Variants in DMXL1 observed in about 807,000 individuals in gnomAD.
The protein encoded by DMXL1 is Dmx like 1.
In DMXL1, 99 loss-of-function variants were observed where a neutral mutation model predicts 319.2. That is an observed-to-expected ratio of 0.31 (90% CI 0.26 to 0.37). DMXL1 has a LOEUF of 0.37. Among genes scored for constraint, DMXL1 ranks in the 10% least tolerant of loss-of-function variants. The probability of loss-of-function intolerance (pLI) is 1.00; values close to 1 mark genes in which losing one functional copy is unlikely to be tolerated. For missense variants in DMXL1, 3,745 were observed against 3,595.6 expected, an observed-to-expected ratio of 1.04 and a Z score of -1.06; for synonymous variants, 1,385 against 1,235.2, an observed-to-expected ratio of 1.12 and a Z score of -2.54.
chr5:119,194,500 A>G (rs1264466037), intron 30 of DMXL1, among the ~76,000 whole-genome samples: 1 of 151,234 alleles, frequency 6.6e-6, no homozygotes, highest in Non-Finnish European at 1.5e-5. Flanking sequence ...TCTAGTCTCT[A>G]TTGATATGTT....
rs766445530 is a variant in DMXL1, at chr5:119,177,992, C to A, written c.6887-4C>A. On this transcript the variant is annotated splice_polypyrimidine_tract_variant and splice_region_variant and intron_variant, in intron 27 of 43. Transcript: ENST00000539542. ...GTGACAGCTATGTTTGTTTGTCGTT[C>A]TAGGAATAACTTGTCTAATTCGACT... 1 of 1,587,142 alleles carries A rather than the reference C, an allele frequency of 6.3e-7. No homozygotes were observed. Among genetic ancestry groups the A allele is most frequent in the Admixed American group, 1.7e-5 (1 of 58,462 alleles).
Position 119,247,026 on chromosome 5 carries a change from A to C in DMXL1, c.8954A>C (p.His2985Pro), listed in dbSNP as rs1217891346. 6.2e-7 allele frequency: 1 copy of C among 1,613,604 alleles called. No homozygotes were observed. Among genetic ancestry groups the C allele is most frequent in the Non-Finnish European group, 8.5e-7 (1 of 1,179,718 alleles). Reference protein sequence around the residue: ...IWSLSTFGLLHTFVSEHARQS... With the variant: ...IWSLSTFGLLPTFVSEHARQS... ...AGTCTCTCTACCTTTGGTCTTCTCC[A>C]TACTTTTGTCAGTGAACATGCTCGG... Residue 2985 changes from histidine to proline, a missense_variant, in exon 44 of 44, where the codon CAT (histidine) becomes CCT (proline). By Grantham distance (77) the His-to-Pro change is moderately conservative. Coordinates refer to ENST00000539542, the MANE Select transcript of DMXL1 (RefSeq NM_001290321.3).
Position 119,181,669 on chromosome 5 carries a change from G to A in DMXL1, c.7135+3425G>A, listed in dbSNP as rs765852212. On this transcript the variant is annotated intron_variant, in intron 28 of 43. Coordinates refer to ENST00000539542, the MANE Select transcript of DMXL1 (RefSeq NM_001290321.3). The stretch of plus-strand genomic sequence containing the variant: ...AACACTGTCTCTACAAAAATTAGCC[G>A]GGTGTGGTGGCATGTGCCTGTAGAC... 5.9e-5 allele frequency among the ~76,000 whole-genome samples: 9 copies of A among 152,198 alleles called. No individual in the cohort carries two copies. In the East Asian group the frequency reaches 1.4e-3, roughly 23 times the overall value.
At chr5:119,240,186 T>G (rs1231910698) in intron 41 of DMXL1, among the ~76,000 whole-genome samples, 1 of 152,164 alleles carries the variant, frequency 6.6e-6, no homozygotes, top group Non-Finnish European at 1.5e-5. Context: ...GGTGGGAAGA[T>G]TGCTTGAGCC....
chr5:119,216,094 CAAAAAAAAAAAA>C lies in DMXL1; in HGVS notation c.7927-790_7927-779del, dbSNP rs773591355. The stretch of plus-strand genomic sequence containing the variant: ...GCCTGGGCGACAAGAGCATCCATCT[CAAAAAAAAAAAA>C]AAAAAAAAAAAAAAAAGCAGGATAA... On this transcript the variant is annotated intron_variant, in intron 34 of 43. Transcript: ENST00000539542. Among the ~76,000 whole-genome samples the C allele has an allele frequency of 8.0e-4, 30 of 37,362 alleles. 1 individual carries two copies. The East Asian group carries it at 0.011, about 14-fold the overall frequency. The allele number at this position is 37,362 out of a possible 152,430, so 24.5% of individuals were successfully genotyped here.
At chr5:119,088,985 A>G (rs1753981215) in intron 1 of DMXL1, among the ~76,000 whole-genome samples, 1 of 148,128 alleles carries the variant, frequency 6.8e-6, no homozygotes, top group African/African-American at 2.5e-5. Context: ...TTCCAAAACA[A>G]TTTTTTTTTT....
chr5:119,081,640 T>A (rs1041466639), intron 1 of DMXL1: 2 of 984,582 alleles, frequency 2.0e-6, no homozygotes, highest in African/African-American at 3.5e-5. Flanking sequence ...GAAGAAGATA[T>A]AGAGCCGCAG....
chr5:119,207,265 A>C (rs1781906520), intron 34 of DMXL1, among the ~76,000 whole-genome samples: 1 of 152,170 alleles, frequency 6.6e-6, no homozygotes, highest in East Asian at 1.9e-4. Flanking sequence ...ATGATACTAA[A>C]ATTAGGAATT....
At chr5:119,083,338 A>G (rs1561537994) in intron 1 of DMXL1, among the ~76,000 whole-genome samples, 1 of 152,010 alleles carries the variant, frequency 6.6e-6, no homozygotes, top group Non-Finnish European at 1.5e-5. Flanking sequence ...ATTCTTTTTA[A>G]TGGCTGAATA....
At chr5:119,240,329 C>G in intron 41 of DMXL1, 90 bp from the exon 42 acceptor site, 1 of 811,996 alleles carries the variant, frequency 1.2e-6, no homozygotes, top group Admixed American at 2.5e-5. Context: ...TCTGTGACAG[C>G]AAGGTTTAAA....
intron 1 of DMXL1, among the ~76,000 whole-genome samples, chr5:119,093,365 A>T (rs1561559705): frequency 6.6e-6 from 1 of 152,000 alleles, no homozygotes; most frequent in Non-Finnish European, 1.5e-5. Context: ...TGAACTCCTG[A>T]CCTCAAGTGA....
In DMXL1 at chr5:119,197,945, C is replaced by G. The variant is rs1221244052; in HGVS notation, c.7734C>G (p.Asn2578Lys). The G allele has an allele frequency of 6.2e-7, 1 of 1,614,128 alleles. No individual in the cohort carries two copies. The highest frequency in any genetic ancestry group is 2.2e-5 in the East Asian group (1 of 44,888). Residue 2578 changes from asparagine to lysine, a missense_variant, in exon 32 of 44, where the codon AAC becomes AAG. Physicochemically the swap from Asn to Lys is moderately conservative, Grantham distance 94 (BLOSUM62 0). Transcript: ENST00000539542. ...LRHKALLEPTNTPFKSKHHLA... is the reference protein window; with the variant it reads ...LRHKALLEPTKTPFKSKHHLA... Reference sequence around the variant, plus strand: ...ACAAAGCTTTACTGGAACCTACAAACACTCCTTTCAAGTAGGTTTTCTTAT... The same window carrying G: ...ACAAAGCTTTACTGGAACCTACAAAGACTCCTTTCAAGTAGGTTTTCTTAT...
chr5:119,186,623 A>G (rs1175453222), intron 28 of DMXL1, among the ~76,000 whole-genome samples: 2 of 152,206 alleles, frequency 1.3e-5, no homozygotes, highest in African/African-American at 4.8e-5. Flanking sequence ...AATCACAGCA[A>G]TATATGTGTG....
intron 19 of DMXL1, 91 bp downstream of exon 19, chr5:119,152,127 A>G (rs1415692795): frequency 2.6e-6 from 2 of 770,654 alleles, no homozygotes; most frequent in East Asian, 2.6e-5. Context: ...CCCAAAAATG[A>G]TAATGATGAC....
chr5:119,114,546 A>G lies in DMXL1; in HGVS notation c.564+5A>G. 6.3e-7 allele frequency: 1 copy of G among 1,597,998 alleles called. No individual in the cohort carries two copies. Among genetic ancestry groups the G allele is most frequent in the Non-Finnish European group, 8.5e-7 (1 of 1,172,040 alleles). ...TTTTTTGCCACTGCTGGGAAGGTAA[A>G]TTGTGAAAATGCTATTGCCAAATTA... is the stretch of plus-strand genomic sequence containing the variant. On this transcript the variant is annotated splice_donor_5th_base_variant and intron_variant, in intron 6 of 43. Coordinates refer to ENST00000539542, the MANE Select transcript of DMXL1 (RefSeq NM_001290321.3).
intron 34 of DMXL1, 53 bp downstream of exon 34, chr5:119,206,949 C>T (rs1371229610): frequency 2.7e-6 from 3 of 1,118,302 alleles, no homozygotes; most frequent in Non-Finnish European, 3.8e-6. Context: ...CACAAAAGAA[C>T]AAAGCATTTG....
rs770379734 is a variant in DMXL1 at position 119,247,174 on chromosome 5, C to G, written c.9102C>G (p.Ser3034Arg). 7 of 1,613,602 alleles carry G rather than the reference C, an allele frequency of 4.3e-6. No individual in the cohort carries two copies. The Admixed American group carries it at 6.7e-5, about 15-fold the overall frequency. Residue 3034 changes from serine to arginine, a missense_variant, in exon 44 of 44, where the codon AGC becomes AGG. By Grantham distance (110) the Ser-to-Arg change is moderately radical. This residue lies in a region of DMXL1 where 262 missense variants were observed against 320.5 expected (regional missense o/e 0.82). Coordinates refer to ENST00000539542, the MANE Select transcript of DMXL1 (RefSeq NM_001290321.3). ...TGAGAATACTGCCAGATCAGTTTAG[C>G]CCTTTAAATGAAGTGTTGAAAAATG... ...MKMRILPDQFSPLNEVLKNDV... is the reference protein window; with the variant it reads ...MKMRILPDQFRPLNEVLKNDV...
intron 1 of DMXL1, among the ~76,000 whole-genome samples, chr5:119,080,638 A>C (rs995899618): frequency 1.3e-5 from 2 of 152,230 alleles, no homozygotes; most frequent in Non-Finnish European, 2.9e-5. Context: ...CTCTGTTGAA[A>C]TAGCCTTTTA....
chr5:119,077,479 G>GTTTTT (rs774672621), intron 1 of DMXL1, among the ~76,000 whole-genome samples: 2 of 70,212 alleles, frequency 2.8e-5, no homozygotes, highest in Non-Finnish European at 5.3e-5. Flanking sequence ...TTCATCTTAG[G>GTTTTT]TTTTTTTTTT....
Sources: gnomAD v4.1 joint callset for allele counts (sites outside exome capture counted in the v4.1 genomes callset) on GRCh38, gnomAD v4.1.1 for gene constraint, gnomAD v4.1.1 regional missense constraint, MANE v1.5 for transcripts, NCBI Gene and HGNC (gene_info 2026-07-23, HGNC 2026-07-21) for gene names.